The following ZNF461 variants were observed in gnomAD, a reference collection of about 807,000 sequenced individuals.
ZNF461 encodes gonadotropin-inducible ovarian transcription factor-1.
ZNF461 carries 16 observed loss-of-function variants against 18.3 expected under a neutral mutation model. That is an observed-to-expected ratio of 0.88 (90% CI 0.59 to 1.33). The LOEUF (loss-of-function observed/expected upper bound fraction) is 1.33, where lower values mean the gene tolerates loss of function less well. ZNF461 is among the 40% of genes most tolerant of loss of function. ZNF461 has a pLI of 0.00. For synonymous variants in ZNF461, 179 were observed against 216.9 expected, an observed-to-expected ratio of 0.83 and a Z score of 1.54; for missense variants, 595 against 669.9, an observed-to-expected ratio of 0.89 and a Z score of 1.23.
At chr19:36,657,477 T>A (rs1303953647) in intron 3 of ZNF461, among the ~76,000 whole-genome samples, 2 of 137,358 alleles carry the variant, frequency 1.5e-5, no homozygotes, top group African/African-American at 2.8e-5. Flanking sequence ...TGAAACTCTG[T>A]CTCAAAAAAA....
chr19:36,643,821 T>C lies in ZNF461; in HGVS notation c.274A>G (p.Asn92Asp), dbSNP rs1373685820. The C allele has an allele frequency of 6.5e-7, 1 of 1,541,964 alleles. No individual in the cohort carries two copies. Among genetic ancestry groups the C allele is most frequent in the Non-Finnish European group, 8.8e-7 (1 of 1,141,922 alleles). ...TWGFHNNFLD[N>D]NEATDINADL... is the part of the protein sequence containing the mutation. ...GCATTTATGTCTGTAGCCTCATTAT[T>C]GTCCAAGAAATTATTGTGAAATCCC... Residue 92 changes from asparagine (N) to aspartate (D), a missense_variant, in exon 5 of 6, where the codon AAT becomes GAT. Transcript: ENST00000588268.
chr19:36,640,096 A>C, intron 5 of ZNF461, 53 bp from the exon 6 acceptor site: 1 of 1,436,322 alleles, frequency 7.0e-7, no homozygotes, highest in Non-Finnish European at 9.4e-7. Context: ...TAAGAGAAAT[A>C]AAATATCTAT....
At chr19:36,644,311 CG>C (rs1426546401) in intron 4 of ZNF461, among the ~76,000 whole-genome samples, 3 of 152,102 alleles carry the variant, frequency 2.0e-5, no homozygotes, top group Non-Finnish European at 4.4e-5. Context: ...CTCTGTCCCC[CG>C]GGCTGGAGTG....
intron 2 of ZNF461, among the ~76,000 whole-genome samples, chr19:36,663,717 G>A (rs7246216): frequency 0.37 from 56,529 of 151,288 alleles, 10,821 homozygotes; most frequent in East Asian, 0.6. Context: ...TTTTGTAGAG[G>A]TGGAGTTTTA....
At chr19:36,640,681 T>C (rs1354721431) in intron 5 of ZNF461, among the ~76,000 whole-genome samples, 1 of 152,240 alleles carries the variant, frequency 6.6e-6, no homozygotes, top group Non-Finnish European at 1.5e-5. Flanking sequence ...GATGGCAATA[T>C]TGATTTGCTG....
At chr19:36,656,424 A>C in intron 4 of ZNF461, 24 bp downstream of exon 4, 1 of 1,598,418 alleles carries the variant, frequency 6.3e-7, no homozygotes, top group Non-Finnish European at 8.6e-7. Context: ...TCTCTGCAAG[A>C]GCTTCCTGTG....
intron 4 of ZNF461, among the ~76,000 whole-genome samples, chr19:36,649,083 C>T (rs2037579977): frequency 6.6e-6 from 1 of 152,132 alleles, no homozygotes; most frequent in Non-Finnish European, 1.5e-5. Context: ...ACTACTTGCT[C>T]AAATTGATTA....
At chr19:36,647,656 C>G (rs1306302971) in intron 4 of ZNF461, among the ~76,000 whole-genome samples, 7 of 152,168 alleles carry the variant, frequency 4.6e-5, no homozygotes, top group Non-Finnish European at 7.3e-5. Flanking sequence ...TATGGCAATT[C>G]TATTTTTAAT....
Position 36,639,967 on chromosome 19 carries a change from A to T in ZNF461, c.378T>A (p.Val126=). 1 of 1,613,846 alleles carries T rather than the reference A, an allele frequency of 6.2e-7. No homozygotes were observed. Among genetic ancestry groups the T allele is most frequent in the South Asian group, 1.1e-5 (1 of 91,080 alleles). The change falls in exon 6 of 6, where the codon GTT becomes GTA. Residue 126 remains valine (V), a synonymous_variant. Coordinates refer to ENST00000588268, the MANE Select transcript of ZNF461 (RefSeq NM_153257.5). The part of the protein sequence containing the change: ...DIYETELSQW[V]NMEEFKSHSP... ...TATGGCTTTTAAATTCTTCCATGTT[A>T]ACCCACTGGGATAATTCTGTTTCAT... is the stretch of plus-strand genomic sequence containing the variant.
chr19:36,643,862 C>G lies in ZNF461; in HGVS notation c.233G>C (p.Gly78Ala). The G allele has an allele frequency of 2.0e-6, 3 of 1,511,054 alleles. No individual in the cohort carries two copies. The highest frequency in any genetic ancestry group is 2.5e-5 in the East Asian group (1 of 39,858). The allele number at this position is 1,511,054 out of a possible 1,614,324, so 93.6% of individuals were successfully genotyped here. ...VREETGRWCP[G>A]TWKTWGFHNN... ...GTGAAATCCCCAAGTTTTCCATGTA[C>G]CTACATGGAAACAAAAGAATAAATA... Residue 78 changes from glycine (G) to alanine (A), a missense_variant and splice_region_variant, in exon 5 of 6, where the codon GGT becomes GCT. Transcript: ENST00000588268.
intron 3 of ZNF461, chr19:36,657,568 C>G (rs1027254885): frequency 1.3e-5 from 2 of 151,706 alleles, no homozygotes; most frequent in African/African-American, 4.9e-5. Flanking sequence ...CACCTGAGGT[C>G]GGGAGTTTGA....
chr19:36,648,803 A>G (rs2037574086), intron 4 of ZNF461, among the ~76,000 whole-genome samples: 1 of 151,640 alleles, frequency 6.6e-6, no homozygotes, highest in South Asian at 2.1e-4. Flanking sequence ...CTGATCGCGA[A>G]CTCCTAACCT....
Position 36,639,418 on chromosome 19 carries a change from G to C in ZNF461, c.927C>G (p.Ala309=). Residue 309 remains alanine (A), a synonymous_variant, in exon 6 of 6, where the codon GCC becomes GCG. Transcript: ENST00000588268. ...KPYECKECGK[A]FRQRSQLTQH... ...GAGTAAGCTGTGATCGCTGTCTAAA[G>C]GCCTTCCCACATTCTTTACATTCAT... The C allele has an allele frequency of 6.2e-7, 1 of 1,612,760 alleles. No individual in the cohort carries two copies. Among genetic ancestry groups the C allele is most frequent in the Non-Finnish European group, 8.5e-7 (1 of 1,179,636 alleles).
At chr19:36,644,028 G>C (rs1341044070) in intron 4 of ZNF461, among the ~76,000 whole-genome samples, 166 bp from the exon 5 acceptor site, 1 of 152,160 alleles carries the variant, frequency 6.6e-6, no homozygotes, top group Admixed American at 6.5e-5. Context: ...CGCCTACTGG[G>C]TTCAAGCGAT....
chr19:36,644,887 G>A (rs990470478), intron 4 of ZNF461, among the ~76,000 whole-genome samples: 1 of 151,552 alleles, frequency 6.6e-6, no homozygotes, highest in African/African-American at 2.4e-5. Context: ...GTGAGCCACC[G>A]TGCCTGGCCA....
chr19:36,652,860 CA>C (rs1471171358), intron 4 of ZNF461, among the ~76,000 whole-genome samples: 1 of 152,134 alleles, frequency 6.6e-6, no homozygotes, highest in African/African-American at 2.4e-5. Context: ...CCAACAAAGG[CA>C]TTCTGTCTAA....
chr19:36,657,492 A>T (rs1486459055), intron 3 of ZNF461, among the ~76,000 whole-genome samples: 2 of 146,388 alleles, frequency 1.4e-5, no homozygotes, highest in Non-Finnish European at 3.0e-5. Context: ...AAAAAAAATT[A>T]AAAAGGCCAG....
chr19:36,646,161 A>C (rs1245296701), intron 4 of ZNF461, among the ~76,000 whole-genome samples: 1 of 149,438 alleles, frequency 6.7e-6, no homozygotes, highest in Non-Finnish European at 1.5e-5. Flanking sequence ...ATGGAGTTTC[A>C]CTCTTGTTGC....
chr19:36,659,234 A>G (rs142784180), intron 2 of ZNF461, among the ~76,000 whole-genome samples: 2 of 152,320 alleles, frequency 1.3e-5, no homozygotes, highest in East Asian at 3.9e-4. Context: ...CTATCTTGAA[A>G]GTGGGTCATG....
Sources: allele counts gnomAD v4.1 joint callset (sites outside exome capture counted in the v4.1 genomes callset), GRCh38; gene constraint gnomAD v4.1.1; transcripts MANE v1.5; gene names NCBI Gene and HGNC (gene_info 2026-07-23, HGNC 2026-07-21).